The following GREB1 variants were observed in gnomAD, a reference collection of about 807,000 sequenced individuals.
The protein encoded by GREB1 is growth regulating estrogen receptor binding 1, also known as protein GREB1.
Under a neutral mutation model 200.7 loss-of-function variants are expected in GREB1, and 106 were observed. The observed-to-expected ratio is 0.53, with a 90% CI of 0.45 to 0.62. GREB1 has a LOEUF of 0.62. Ranked by LOEUF, GREB1 falls within the 20% of genes least tolerant of loss-of-function variation. The pLI is 0.00. For synonymous variants in GREB1, 1,132 were observed against 1,092.4 expected (o/e 1.04, Z -0.72); for missense variants, 2,243 against 2,556.8 (o/e 0.88, Z 2.65).
chr2:11,618,786 C>T lies in GREB1; in HGVS notation c.3911C>T (p.Thr1304Ile). 6.2e-7 allele frequency: 1 copy of T among 1,611,600 alleles called. No individual in the cohort carries two copies. The highest frequency in any genetic ancestry group is 8.5e-7 in the Non-Finnish European group (1 of 1,179,898). Residue 1304 changes from threonine (T) to isoleucine (I), a missense_variant, in exon 22 of 33, where the codon ACA (threonine) becomes ATA (isoleucine). Physicochemically the swap from Thr to Ile is moderately conservative, Grantham distance 89 (BLOSUM62 -1). Around this residue, in one of 3 missense-constraint regions of GREB1, gnomAD observed 587 missense variants for 553.1 expected, o/e 1.06. Coordinates refer to ENST00000381486, the MANE Select transcript of GREB1 (RefSeq NM_014668.4). Reference sequence around the variant, plus strand: ...CGCCCCCTGCTCAGCAAGACCATGACATCCACCGAGCAGTCCCTCTACTAC... The same window carrying T: ...CGCCCCCTGCTCAGCAAGACCATGATATCCACCGAGCAGTCCCTCTACTAC... The part of the protein sequence containing the change: ...SFRPLLSKTM[T>I]STEQSLYYRQ...
At chr2:11,637,609 T>A in intron 30 of GREB1, 107 bp from the exon 31 acceptor site, 2 of 841,224 alleles carry the variant, frequency 2.4e-6, no homozygotes, top group Non-Finnish European at 3.8e-6. Context: ...TTCATTCCCC[T>A]GAGTGACACA....
chr2:11,602,869 G>A (rs994974926), intron 17 of GREB1, among the ~76,000 whole-genome samples: 1 of 151,964 alleles, frequency 6.6e-6, no homozygotes, highest in African/African-American at 2.4e-5. Flanking sequence ...CTGGAGTGAT[G>A]ATCATAGTCA....
Position 11,588,875 on chromosome 2 carries a change from A to G in GREB1, c.1289A>G (p.Gln430Arg). Residue 430 changes from glutamine to arginine, a missense_variant, in exon 10 of 33, where the codon CAG (glutamine) becomes CGG (arginine). Gln to Arg is a conservative substitution (Grantham distance 43, BLOSUM62 1). Transcript: ENST00000381486. ...GAGCAGTACGGCGCCTCTGCCATCC[A>G]GCCCATCTCCGAGGAGATGCAGCTC... ...AYEQYGASAIQPISEEMQLLL... is the reference protein window; with the variant it reads ...AYEQYGASAIRPISEEMQLLL... The G allele has an allele frequency of 1.2e-6, 2 of 1,614,140 alleles. No individual in the cohort carries two copies. The highest frequency in any genetic ancestry group is 1.7e-6 in the Non-Finnish European group (2 of 1,180,000).
chr2:11,589,077 T>C (rs1680470868), intron 10 of GREB1, 146 bp downstream of exon 10: 1 of 659,038 alleles, frequency 1.5e-6, no homozygotes, highest in Non-Finnish European at 2.7e-6. Context: ...CGGGACGTCA[T>C]GAAGTCACTG....
chr2:11,638,033 C>G, intron 31 of GREB1, 117 bp downstream of exon 31: 1 of 869,048 alleles, frequency 1.2e-6, no homozygotes, highest in Non-Finnish European at 1.8e-6. Context: ...CGGGGTTGAC[C>G]CCACTTTGTA....
intron 22 of GREB1, among the ~76,000 whole-genome samples, chr2:11,619,137 A>C (rs1683787472): frequency 6.6e-6 from 1 of 152,084 alleles, no homozygotes; most frequent in Non-Finnish European, 1.5e-5. Context: ...TGTGTGATGT[A>C]GGGGGCGGAC....
At position 11,623,455 on chromosome 2, in the gene GREB1, T is replaced by C. The variant is rs571018471; in HGVS notation, c.4148-1699T>C. Among the ~76,000 whole-genome samples the C allele has an allele frequency of 6.6e-5, 10 of 152,298 alleles. 1 individual carries two copies. The South Asian group carries it at 2.1e-3, about 32-fold the overall frequency. Reference sequence around the variant, plus strand: ...AAGGAGGCATTGTTCTCATAGGAGATGACACAGCTCCATGAGTGTTGCTGC... The same window carrying C: ...AAGGAGGCATTGTTCTCATAGGAGACGACACAGCTCCATGAGTGTTGCTGC... On this transcript the variant is annotated intron_variant, in intron 23 of 32. Transcript: ENST00000381486.
At chr2:11,559,010 A>G (rs1372956521) in intron 2 of GREB1, among the ~76,000 whole-genome samples, 2 of 152,206 alleles carry the variant, frequency 1.3e-5, no homozygotes, top group Non-Finnish European at 2.9e-5. Flanking sequence ...GACACTGTCC[A>G]GCATTTTGGG....
intron 21 of GREB1, among the ~76,000 whole-genome samples, chr2:11,617,199 A>G (rs1683485100): frequency 6.6e-6 from 1 of 152,248 alleles, no homozygotes; most frequent in Non-Finnish European, 1.5e-5. Context: ...GCGGGTGGGC[A>G]GTGCCAACCA....
At chr2:11,518,050 G>T (rs1164919566) in intron 1 of GREB1, among the ~76,000 whole-genome samples, 8 of 152,112 alleles carry the variant, frequency 5.3e-5, no homozygotes. Flanking sequence ...TGCCAGAGAG[G>T]GTAATTTAGT....
rs1456363780 is a variant in GREB1, at chr2:11,633,890, G to A, written c.4992-241G>A. 6.6e-6 allele frequency among the ~76,000 whole-genome samples: 1 copy of A among 152,202 alleles called. No homozygotes were observed. Among genetic ancestry groups the A allele is most frequent in the Admixed American group, 6.5e-5 (1 of 15,274 alleles). On this transcript the variant is annotated intron_variant, in intron 28 of 32. Transcript: ENST00000381486. This position sits in a 1 kb window ranked among gnomAD's most constrained non-coding sequence, Gnocchi z 4.1. ...TTCCTTGTCTGCGATTAATACCTAT[G>A]CCATGGAGTTGTTGTGAGAATTGAC...
chr2:11,514,060 G>A (rs1356084800), intron 1 of GREB1, among the ~76,000 whole-genome samples: 3 of 152,178 alleles, frequency 2.0e-5, no homozygotes, highest in Non-Finnish European at 4.4e-5. Context: ...GATGGGGATG[G>A]GTGGAGAAGG....
intron 10 of GREB1, among the ~76,000 whole-genome samples, chr2:11,589,701 G>T (rs1254657438): frequency 6.6e-6 from 1 of 152,234 alleles, no homozygotes; most frequent in Non-Finnish European, 1.5e-5. Flanking sequence ...AGAGTCAGTT[G>T]TTGCCTATTA....
chr2:11,534,743 A>C (rs928553205), intron 1 of GREB1, among the ~76,000 whole-genome samples: 6 of 152,142 alleles, frequency 3.9e-5, no homozygotes, highest in African/African-American at 1.4e-4. Context: ...TCTTCTTCAC[A>C]TATACCTGGT....
chr2:11,547,747 T>C (rs566423180), intron 1 of GREB1, among the ~76,000 whole-genome samples: 2 of 152,360 alleles, frequency 1.3e-5, no homozygotes, highest in South Asian at 2.1e-4. Flanking sequence ...CTTTCCTTTT[T>C]TTCTTCTTCT....
At chr2:11,634,410 A>G in intron 29 of GREB1, 61 bp downstream of exon 29, 1 of 1,369,836 alleles carries the variant, frequency 7.3e-7, no homozygotes, top group South Asian at 1.2e-5. Context: ...GTCCTGAGTG[A>G]GGGCAGCCTG....
rs749941144 is a variant in GREB1, at chr2:11,600,877, T to C, written c.2411T>C (p.Val804Ala). The C allele has an allele frequency of 6.2e-7, 1 of 1,613,920 alleles. No individual in the cohort carries two copies. Among genetic ancestry groups the C allele is most frequent in the South Asian group, 1.1e-5 (1 of 91,066 alleles). Residue 804 changes from valine to alanine, a missense_variant, in exon 16 of 33, where the codon GTG becomes GCG. This residue lies in a region of GREB1 where 1,178 missense variants were observed against 1,387.4 expected (regional missense o/e 0.85). Transcript: ENST00000381486. ...GACCGATTGCTCAACTGCAGGGAGG[T>C]GAAGGAGGCCCCCAACATTGTGACA... Reference protein sequence around the residue: ...LVDRLLNCREVKEAPNIVTLH... With the variant: ...LVDRLLNCREAKEAPNIVTLH...
In GREB1 at chr2:11,597,682, C is replaced by T; in HGVS notation, c.1955-99C>T. The T allele has an allele frequency of 4.0e-6, 4 of 995,430 alleles. No homozygotes were observed. The highest frequency in any genetic ancestry group is 6.4e-6 in the Non-Finnish European group (4 of 628,600). The allele number at this position is 995,430 out of a possible 1,614,324, so 61.7% of individuals were successfully genotyped here. The stretch of plus-strand genomic sequence containing the variant: ...TTCCCTCATCGCTTTGTGAATGGGG[C>T]CGTCTCCCCTGGACAGGTCTCACTG... On this transcript the variant is annotated intron_variant, in intron 13 of 32. Coordinates refer to ENST00000381486, the MANE Select transcript of GREB1 (RefSeq NM_014668.4). The surrounding 1 kb of genome is among the most constrained non-coding windows in gnomAD (Gnocchi z 4.1).
At chr2:11,535,257 T>A (rs1358019637) in intron 1 of GREB1, among the ~76,000 whole-genome samples, 1 of 152,138 alleles carries the variant, frequency 6.6e-6, no homozygotes, top group Non-Finnish European at 1.5e-5. Context: ...TATGCACCCT[T>A]CTCCTGTGTC....
Sources: allele counts gnomAD v4.1 joint callset (sites outside exome capture counted in the v4.1 genomes callset), GRCh38; gene constraint gnomAD v4.1.1; regional missense constraint gnomAD v4.1.1; non-coding constraint Gnocchi (gnomAD v3.1); transcripts MANE v1.5; gene names NCBI Gene and HGNC (gene_info 2026-07-23, HGNC 2026-07-21).